The following AP3B1 variants were observed in gnomAD, a reference collection of about 807,000 sequenced individuals.
AP3B1 encodes AP-3 complex subunit beta-1.
AP3B1 carries 61 observed loss-of-function variants against 132.5 expected under a neutral mutation model. That is an observed-to-expected ratio of 0.46 (90% CI 0.37 to 0.57). The LOEUF is 0.57. Ranked by LOEUF, AP3B1 falls within the 20% of genes least tolerant of loss-of-function variation. The pLI is 0.00. For synonymous variants in AP3B1, 388 were observed against 438.3 expected (o/e 0.89, Z 1.43); for missense variants, 1,120 against 1,289.4 (o/e 0.87, Z 2.01).
At chr5:78,286,418 C>T (rs1749283739) in intron 1 of AP3B1, among the ~76,000 whole-genome samples, 1 of 152,188 alleles carries the variant, frequency 6.6e-6, no homozygotes, top group South Asian at 2.1e-4. Context: ...GCTTCACAGT[C>T]TTCCATTCTC....
At chr5:78,095,381 C>T (rs1216362339) in intron 21 of AP3B1, among the ~76,000 whole-genome samples, 2 of 152,196 alleles carry the variant, frequency 1.3e-5, no homozygotes, top group Non-Finnish European at 2.9e-5. Context: ...ATCTAATTCT[C>T]ACAGTTGAGA....
chr5:78,108,830 A>C (rs1751453525), intron 20 of AP3B1, among the ~76,000 whole-genome samples: 1 of 152,042 alleles, frequency 6.6e-6, no homozygotes. Flanking sequence ...GTGGCTTTTT[A>C]ATGGGATCCT....
intron 1 of AP3B1, among the ~76,000 whole-genome samples, chr5:78,274,922 TA>T (rs111312994): frequency 9.6e-5 from 13 of 135,100 alleles, no homozygotes; most frequent in South Asian, 7.2e-4. Context: ...ATCTTTTTTT[TA>T]AAAAAAAAGG....
At chr5:78,127,489 G>C (rs1193260676) in intron 17 of AP3B1, among the ~76,000 whole-genome samples, 1 of 152,008 alleles carries the variant, frequency 6.6e-6, no homozygotes, top group African/African-American at 2.4e-5. Flanking sequence ...TATTTATATA[G>C]CAAATTTGTT....
rs2112414015 is a variant in AP3B1, at chr5:78,181,495, A to G, written c.942+12T>C. On this transcript the variant is annotated intron_variant, in intron 8 of 26. Coordinates refer to ENST00000255194, the MANE Select transcript of AP3B1 (RefSeq NM_003664.5). ...AACCAGTGAATTATTTCTTATAAGG[A>G]TTTTAACATACCGCAGCATTCCTGC... 2 of 1,610,590 alleles carry G rather than the reference A, an allele frequency of 1.2e-6. No individual in the cohort carries two copies. The highest frequency in any genetic ancestry group is 1.7e-6 in the Non-Finnish European group (2 of 1,178,462).
chr5:78,163,028 T>C (rs1743453586), intron 12 of AP3B1, 77 bp from the exon 13 acceptor site: 3 of 1,392,042 alleles, frequency 2.2e-6, no homozygotes, highest in African/African-American at 2.8e-5. Context: ...TTAAACTTTG[T>C]CAATATATAA....
chr5:78,220,492 G>T (rs550060461), intron 6 of AP3B1, among the ~76,000 whole-genome samples: 1 of 151,872 alleles, frequency 6.6e-6, no homozygotes, highest in South Asian at 2.1e-4. Context: ...AAAAAAAACT[G>T]CCTGGAACAA....
At chr5:78,123,269 T>C (rs1381526901) in intron 17 of AP3B1, among the ~76,000 whole-genome samples, 1 of 152,192 alleles carries the variant, frequency 6.6e-6, no homozygotes, top group Non-Finnish European at 1.5e-5. Context: ...GGCAATACCA[T>C]TCAGGACAGA....
In AP3B1 at chr5:78,002,763, A is replaced by G; in HGVS notation, c.*139T>C. On this transcript the variant is annotated 3_prime_UTR_variant, in exon 27 of 27. Transcript: ENST00000255194. ...TGATAGATACACACTAGCATTCTAA[A>G]GCAGGAGACAAGAATGTCAAGAGTG... The G allele has an allele frequency of 1.0e-6, 1 of 987,080 alleles. No homozygotes were observed. 61.1% of individuals were successfully genotyped at this position (987,080 alleles called of 1,614,324 possible). A position where few individuals can be genotyped will look rare whatever the true frequency, so the allele number is the denominator to read the frequency against.
intron 7 of AP3B1, among the ~76,000 whole-genome samples, chr5:78,211,470 C>G (rs371111382): frequency 4.6e-5 from 7 of 152,302 alleles, no homozygotes; most frequent in Non-Finnish European, 8.8e-5. Context: ...CCTGAAGAAG[C>G]TTGTTTGTAT....
chr5:78,022,233 G>A (rs1747137326), intron 24 of AP3B1, among the ~76,000 whole-genome samples: 1 of 152,082 alleles, frequency 6.6e-6, no homozygotes, highest in Admixed American at 6.6e-5. Flanking sequence ...GAATATCTGG[G>A]GATTTAAAGC....
chr5:78,167,634 C>CAT (rs1299457357), intron 11 of AP3B1, among the ~76,000 whole-genome samples: 1 of 143,872 alleles, frequency 7.0e-6, no homozygotes, highest in Non-Finnish European at 1.5e-5. Flanking sequence ...TATATATATA[C>CAT]ACACACACAC....
chr5:78,178,239 C>A (rs1744229754), intron 8 of AP3B1, among the ~76,000 whole-genome samples: 1 of 152,148 alleles, frequency 6.6e-6, no homozygotes, highest in African/African-American at 2.4e-5. Context: ...TCCATTAAAA[C>A]AAATACATCT....
At position 78,056,133 on chromosome 5, in the gene AP3B1, A is replaced by C. The variant is rs546572302; in HGVS notation, c.2578-16859T>G. Among the ~76,000 whole-genome samples, 15 of 152,370 alleles carry C rather than the reference A, an allele frequency of 9.8e-5. No homozygotes were observed. The East Asian group carries it at 2.9e-3, about 29-fold the overall frequency. ...TTTGGACATGCTGAAAAGACTAATG[A>C]TGAATACCACTTTTTTAAAAAAAGC... On this transcript the variant is annotated intron_variant, in intron 22 of 26. Coordinates refer to ENST00000255194, the MANE Select transcript of AP3B1 (RefSeq NM_003664.5).
chr5:78,176,761 G>A (rs904901635), intron 9 of AP3B1, among the ~76,000 whole-genome samples: 3 of 152,088 alleles, frequency 2.0e-5, no homozygotes, highest in Non-Finnish European at 2.9e-5. Context: ...ATCAAAGAAG[G>A]TGGCATGCTC....
intron 15 of AP3B1, among the ~76,000 whole-genome samples, chr5:78,130,977 G>A (rs1245860437): frequency 6.6e-6 from 1 of 151,272 alleles, no homozygotes; most frequent in Non-Finnish European, 1.5e-5. Context: ...AGTTAGGTAG[G>A]GCATTTAAAG....
intron 7 of AP3B1, among the ~76,000 whole-genome samples, chr5:78,189,575 T>G (rs1744741367): frequency 6.6e-6 from 1 of 152,050 alleles, no homozygotes; most frequent in Non-Finnish European, 1.5e-5. Flanking sequence ...TTTACAGTTT[T>G]AAAAAATTAT....
intron 11 of AP3B1, among the ~76,000 whole-genome samples, chr5:78,172,914 C>T (rs1743981771): frequency 1.3e-5 from 2 of 152,132 alleles, no homozygotes; most frequent in Admixed American, 1.3e-4. Context: ...ATAAATTTCC[C>T]TCTACACACT....
intron 22 of AP3B1, among the ~76,000 whole-genome samples, chr5:78,054,994 AAGAC>A (rs1056394395): frequency 6.8e-5 from 10 of 147,252 alleles, no homozygotes; most frequent in African/African-American, 1.3e-4. Context: ...CTGAGACCAT[AAGAC>A]AGACAGACAG....
Sources: gnomAD v4.1 joint callset for allele counts (sites outside exome capture counted in the v4.1 genomes callset) on GRCh38, gnomAD v4.1.1 for gene constraint, MANE v1.5 for transcripts, NCBI Gene and HGNC (gene_info 2026-07-23, HGNC 2026-07-21) for gene names.